NUDT21: variants seen among roughly 807,000 people sequenced by gnomAD.
The protein encoded by NUDT21 is nudix hydrolase 21, also known as cleavage and polyadenylation specificity factor subunit 5.
NUDT21 carries 5 observed loss-of-function variants against 29.8 expected under a neutral mutation model. That is an observed-to-expected ratio of 0.17 (90% CI 0.09 to 0.35). NUDT21 has a LOEUF of 0.35. Ranked by LOEUF, NUDT21 falls within the 10% of genes least tolerant of loss-of-function variation. NUDT21 has a pLI of 1.00. For synonymous variants in NUDT21, 113 were observed against 98.5 expected, an observed-to-expected ratio of 1.15 and a Z score of -0.87; for missense variants, 76 against 276.0, an observed-to-expected ratio of 0.28 and a Z score of 5.13.
At position 56,431,748 on chromosome 16, in the gene NUDT21, C is replaced by T. The variant is rs902252825; in HGVS notation, c.*964G>A. ...GTATTTTTTAAAGTTTTTAAAATTT[C>T]GTTTTTCTCTTAACCTGAGAAAACC... is the stretch of plus-strand genomic sequence containing the variant. On this transcript the variant is annotated 3_prime_UTR_variant, in exon 7 of 7. Coordinates refer to ENST00000300291, the MANE Select transcript of NUDT21 (RefSeq NM_007006.3). The T allele has an allele frequency of 1.0e-4, 15 of 150,510 alleles. No homozygotes were observed. The highest frequency in any genetic ancestry group is 1.9e-4 in the Non-Finnish European group (13 of 67,656). 9.3% of individuals were successfully genotyped at this position (150,510 alleles called of 1,614,324 possible).
At chr16:56,442,734 T>C (rs1311973870) in intron 3 of NUDT21, among the ~76,000 whole-genome samples, 2 of 152,256 alleles carry the variant, frequency 1.3e-5, no homozygotes, top group African/African-American at 4.8e-5. Flanking sequence ...TTCTTCCTTT[T>C]ACTCTGTTCT....
At chr16:56,442,863 C>G (rs1962175023) in intron 3 of NUDT21, among the ~76,000 whole-genome samples, 1 of 152,122 alleles carries the variant, frequency 6.6e-6, no homozygotes, top group Non-Finnish European at 1.5e-5. Context: ...CCTCTTAACT[C>G]TTTACTGAAT....
chr16:56,448,267 G>A (rs1232341309), intron 1 of NUDT21, among the ~76,000 whole-genome samples: 3 of 152,176 alleles, frequency 2.0e-5, no homozygotes, highest in Admixed American at 6.5e-5. Context: ...ATGGTTATCT[G>A]AACATTAGTA....
chr16:56,439,645 C>A lies in NUDT21; in HGVS notation c.471+12G>T, dbSNP rs1195569508. The A allele has an allele frequency of 2.8e-5, 44 of 1,575,834 alleles. No individual in the cohort carries two copies. The highest frequency in any genetic ancestry group is 3.8e-5 in the Non-Finnish European group (43 of 1,145,204). On this transcript the variant is annotated intron_variant, in intron 4 of 6. Coordinates refer to ENST00000300291, the MANE Select transcript of NUDT21 (RefSeq NM_007006.3). ...CTTCCAAAATGCCCAGCAAATGTAA[C>A]TGAACACTGACCTGAGGAGGTTCAA...
At chr16:56,437,707 T>C (rs1235243617) in intron 4 of NUDT21, among the ~76,000 whole-genome samples, 2 of 152,160 alleles carry the variant, frequency 1.3e-5, no homozygotes, top group African/African-American at 4.8e-5. Flanking sequence ...ACATGCCCTG[T>C]CTTACTTCTG....
Position 56,448,023 on chromosome 16 carries a change from C to A in NUDT21, c.117-34G>T, listed in dbSNP as rs751597611. 8 of 1,566,996 alleles carry A rather than the reference C, an allele frequency of 5.1e-6. No homozygotes were observed. In the South Asian group the frequency reaches 7.8e-5, roughly 15 times the overall value. On this transcript the variant is annotated intron_variant, in intron 1 of 6. Transcript: ENST00000300291. The stretch of plus-strand genomic sequence containing the variant: ...CGAAGACAAACATCTAACATGAGAA[C>A]TGAAGAATGTAATTTACCATGACAG...
At chr16:56,443,266 T>C (rs1266635916) in intron 3 of NUDT21, among the ~76,000 whole-genome samples, 2 of 151,886 alleles carry the variant, frequency 1.3e-5, no homozygotes, top group Admixed American at 6.6e-5. Flanking sequence ...AACCTCCACC[T>C]CCTGGGTTCA....
intron 2 of NUDT21, 180 bp from the exon 3 acceptor site, chr16:56,446,869 A>T: frequency 2.0e-6 from 1 of 495,640 alleles, no homozygotes; most frequent in Non-Finnish European, 3.6e-6. Flanking sequence ...TCCCCAGACT[A>T]ACAGTATACA....
At chr16:56,434,852 C>T (rs1172390541) in intron 4 of NUDT21, 23 bp from the exon 5 acceptor site, 1 of 1,318,270 alleles carries the variant, frequency 7.6e-7, no homozygotes, top group South Asian at 1.2e-5. Context: ...ATGAATACAA[C>T]TTTAATATGT....
chr16:56,435,649 C>G (rs1217470493), intron 4 of NUDT21, among the ~76,000 whole-genome samples: 1 of 142,862 alleles, frequency 7.0e-6, no homozygotes, highest in Non-Finnish European at 1.5e-5. Flanking sequence ...TGGCGTGAAC[C>G]TGGGAGGCAG....
intron 3 of NUDT21, among the ~76,000 whole-genome samples, chr16:56,444,083 C>G (rs1236798930): frequency 1.3e-5 from 2 of 152,084 alleles, no homozygotes; most frequent in African/African-American, 4.8e-5. Flanking sequence ...AGTTTGAGAC[C>G]AGCCTGGGCA....
At chr16:56,437,704 C>T (rs1292914449) in intron 4 of NUDT21, among the ~76,000 whole-genome samples, 1 of 152,128 alleles carries the variant, frequency 6.6e-6, no homozygotes, top group African/African-American at 2.4e-5. Context: ...ATAACATGCC[C>T]TGTCTTACTT....
At chr16:56,433,514 A>G (rs1962059858) in intron 6 of NUDT21, among the ~76,000 whole-genome samples, 1 of 152,182 alleles carries the variant, frequency 6.6e-6, no homozygotes, top group Admixed American at 6.5e-5. Flanking sequence ...AGAGACCTCA[A>G]CCAGTACAAG....
intron 6 of NUDT21, among the ~76,000 whole-genome samples, chr16:56,433,656 G>A (rs1369693079): frequency 6.6e-6 from 1 of 152,110 alleles, no homozygotes; most frequent in Non-Finnish European, 1.5e-5. Flanking sequence ...AAAGGAAAAC[G>A]AATATATTAC....
At chr16:56,434,855 T>C in intron 4 of NUDT21, 26 bp from the exon 5 acceptor site, 2 of 1,289,132 alleles carry the variant, frequency 1.6e-6, no homozygotes, top group Non-Finnish European at 1.1e-6. Flanking sequence ...AATACAACTT[T>C]AATATGTATT....
chr16:56,437,478 G>A (rs1007712011), intron 4 of NUDT21, among the ~76,000 whole-genome samples: 2 of 152,130 alleles, frequency 1.3e-5, no homozygotes, highest in Non-Finnish European at 2.9e-5. Flanking sequence ...GTGTGTGTGT[G>A]CCCCACATTA....
At chr16:56,434,982 A>T in intron 4 of NUDT21, 153 bp from the exon 5 acceptor site, 1 of 478,960 alleles carries the variant, frequency 2.1e-6, no homozygotes, top group Non-Finnish European at 3.7e-6. Context: ...TAGTAAATAA[A>T]TGCTTTAATG....
chr16:56,447,565 A>G lies in NUDT21; in HGVS notation c.317+224T>C, dbSNP rs1962233453. The G allele has an allele frequency of 9.6e-6, 5 of 518,756 alleles. No homozygotes were observed. The South Asian group carries it at 1.1e-4, about 11-fold the overall frequency. The allele number at this position is 518,756 out of a possible 1,614,324, so 32.1% of individuals were successfully genotyped here. A position where few individuals can be genotyped will look rare whatever the true frequency, so the allele number is the denominator to read the frequency against. On this transcript the variant is annotated intron_variant, in intron 2 of 6. Coordinates refer to ENST00000300291, the MANE Select transcript of NUDT21 (RefSeq NM_007006.3). ...ATTCCATGGGGTTTCTACCAAGCTC[A>G]ATCATTAACATCAACAACATACAGA...
chr16:56,448,319 A>G (rs1567540665), intron 1 of NUDT21, among the ~76,000 whole-genome samples: 2 of 152,214 alleles, frequency 1.3e-5, no homozygotes, highest in Non-Finnish European at 2.9e-5. Context: ...CAACATTACC[A>G]ATTTGGCTAA....
Sources: allele counts gnomAD v4.1 joint callset (sites outside exome capture counted in the v4.1 genomes callset), GRCh38; gene constraint gnomAD v4.1.1; transcripts MANE v1.5; gene names NCBI Gene and HGNC (gene_info 2026-07-23, HGNC 2026-07-21).